Variants in PLCH1 observed in about 807,000 individuals in gnomAD.
PLCH1 encodes phospholipase C eta 1, also known as 1-phosphatidylinositol 4,5-bisphosphate phosphodiesterase eta-1.
In PLCH1, 60 loss-of-function variants were observed where a neutral mutation model predicts 126.7. That is an observed-to-expected ratio of 0.47 (90% confidence interval 0.38 to 0.59). PLCH1 has a LOEUF of 0.59. Ranked by LOEUF, PLCH1 falls within the 20% of genes least tolerant of loss-of-function variation. The pLI is 0.00. For missense variants in PLCH1, 1,723 were observed against 2,040.0 expected, an observed-to-expected ratio of 0.84 and a Z score of 2.99; for synonymous variants, 719 against 734.9, an observed-to-expected ratio of 0.98 and a Z score of 0.35.
chr3:155,587,486 A>C (rs1031527828), intron 4 of PLCH1, among the ~76,000 whole-genome samples: 11 of 151,952 alleles, frequency 7.2e-5, no homozygotes, highest in Non-Finnish European at 1.5e-4. Flanking sequence ...GATTTAGCAC[A>C]CTCTTCTACA....
intron 13 of PLCH1, among the ~76,000 whole-genome samples, chr3:155,503,353 C>T (rs931650146): frequency 2.0e-5 from 3 of 152,084 alleles, no homozygotes; most frequent in African/African-American, 7.2e-5. Context: ...GTTTATTTTG[C>T]TCAACATCAT....
At chr3:155,504,479 T>C (rs770825652) in intron 13 of PLCH1, 76 bp downstream of exon 13, 14 of 811,682 alleles carry the variant, frequency 1.7e-5, no homozygotes, top group Admixed American at 3.8e-5. Flanking sequence ...TCCAAGGTCA[T>C]GATGATATTC....
At chr3:155,640,372 A>T (rs1366135926) in intron 2 of PLCH1, among the ~76,000 whole-genome samples, 1 of 152,196 alleles carries the variant, frequency 6.6e-6, no homozygotes, top group Non-Finnish European at 1.5e-5. Context: ...TGGAAGAAAA[A>T]CTAAAATGAG....
At chr3:155,710,251 A>G (rs1747001240) in intron 1 of PLCH1, among the ~76,000 whole-genome samples, 1 of 152,048 alleles carries the variant, frequency 6.6e-6, no homozygotes, top group African/African-American at 2.4e-5. Context: ...CAGCCTCCCA[A>G]AGTTCTGGGA....
At chr3:155,574,528 T>C (rs975148180) in intron 6 of PLCH1, among the ~76,000 whole-genome samples, 2 of 152,218 alleles carry the variant, frequency 1.3e-5, no homozygotes, top group African/African-American at 2.4e-5. Flanking sequence ...TCTCCTGTTC[T>C]CTTTGTATCT....
chr3:155,501,452 A>G (rs1294302199), intron 13 of PLCH1, among the ~76,000 whole-genome samples: 2 of 152,154 alleles, frequency 1.3e-5, no homozygotes, highest in Non-Finnish European at 2.9e-5. Flanking sequence ...TTTCATCCCC[A>G]CCAATTTGGA....
At chr3:155,675,112 A>G (rs372624404) in intron 2 of PLCH1, among the ~76,000 whole-genome samples, 3 of 152,222 alleles carry the variant, frequency 2.0e-5, no homozygotes, top group South Asian at 2.1e-4. Context: ...TTTTGAATAA[A>G]AAGCAAACAT....
At position 155,702,125 on chromosome 3, in the gene PLCH1, GACAATACAGT is replaced by G. The variant is rs1746326133; in HGVS notation, c.79+2011_79+2020del. On this transcript the variant is annotated intron_variant, in intron 2 of 22. Transcript: ENST00000460012. ...TTGTGTTTAGTGAAAAGGGAGCTCA[GACAATACAGT>G]AATTGTAATTCTCAGAAATACTTCA... is the stretch of plus-strand genomic sequence containing the variant. 2.0e-5 allele frequency among the ~76,000 whole-genome samples: 3 copies of G among 152,268 alleles called. No homozygotes were observed. In the South Asian group the frequency reaches 6.2e-4, roughly 32 times the overall value.
chr3:155,603,665 T>A (rs1734024166), intron 2 of PLCH1, among the ~76,000 whole-genome samples: 1 of 152,252 alleles, frequency 6.6e-6, no homozygotes. Flanking sequence ...CTAGCTTCCA[T>A]AAATGTTATT....
chr3:155,547,716 AATG>A (rs914011666), intron 10 of PLCH1, among the ~76,000 whole-genome samples: 2 of 152,022 alleles, frequency 1.3e-5, no homozygotes, highest in African/African-American at 4.8e-5. Flanking sequence ...AGCCATAAAA[AATG>A]ATGAGTTCAT....
At position 155,482,991 on chromosome 3, in the gene PLCH1, T is replaced by A. The variant is rs1251366447; in HGVS notation, c.3035A>T (p.Asn1012Ile). Reference sequence around the variant, plus strand: ...GGAGGATGATAACTTTTTGTTGAAATTTAGAAAATGTGGATCTTTTATACT... The same window carrying A: ...GGAGGATGATAACTTTTTGTTGAAAATTAGAAAATGTGGATCTTTTATACT... The part of the protein sequence containing the change: ...KASIKDPHFL[N>I]FNKKLSSSSS... Residue 1012 changes from asparagine (N) to isoleucine (I), a missense_variant, in exon 23 of 23, where the codon AAT becomes ATT. Around this residue, in one of 2 missense-constraint regions of PLCH1, gnomAD observed 947 missense variants for 977.1 expected, o/e 0.97. Coordinates refer to ENST00000460012, the MANE Select transcript of PLCH1 (RefSeq NM_014996.4). The A allele has an allele frequency of 1.2e-6, 2 of 1,614,042 alleles. No individual in the cohort carries two copies. The highest frequency in any genetic ancestry group is 2.2e-5 in the South Asian group (2 of 91,080).
intron 2 of PLCH1, among the ~76,000 whole-genome samples, chr3:155,699,822 T>TCACACA (rs59082626): frequency 0.12 from 17,925 of 147,704 alleles, 1,132 homozygotes; most frequent in East Asian, 0.19. Flanking sequence ...CTGTGACCAT[T>TCACACA]CACACACACA....
intron 2 of PLCH1, among the ~76,000 whole-genome samples, chr3:155,654,608 C>T (rs1741141341): frequency 6.6e-6 from 1 of 152,192 alleles, no homozygotes; most frequent in African/African-American, 2.4e-5. Flanking sequence ...CTTTCACACT[C>T]CACATCTGAC....
At chr3:155,489,500 TCATAGACAATAATGTGCC>T (rs1347104634) in intron 19 of PLCH1, among the ~76,000 whole-genome samples, 1 of 152,168 alleles carries the variant, frequency 6.6e-6, no homozygotes, top group Non-Finnish European at 1.5e-5. Flanking sequence ...AAATTGATGT[TCATAGACAATAATGTGCC>T]CAAGGCCACA....
At chr3:155,671,302 A>AT (rs1211012300) in intron 2 of PLCH1, among the ~76,000 whole-genome samples, 1 of 152,050 alleles carries the variant, frequency 6.6e-6, no homozygotes, top group Non-Finnish European at 1.5e-5. Context: ...TAGGTACTCG[A>AT]TTTTTTTTCT....
intron 2 of PLCH1, among the ~76,000 whole-genome samples, chr3:155,600,325 A>G (rs1398387386): frequency 1.3e-5 from 2 of 152,218 alleles, no homozygotes; most frequent in Non-Finnish European, 2.9e-5. Flanking sequence ...TTCTGCCTCC[A>G]ACAGAAATGA....
intron 1 of PLCH1, among the ~76,000 whole-genome samples, chr3:155,728,643 A>G (rs925184389): frequency 6.6e-6 from 1 of 152,180 alleles, no homozygotes; most frequent in Admixed American, 6.5e-5. Context: ...GAGAAAGACA[A>G]CAAGACAGAG....
chr3:155,554,559 T>G (rs1726562886), intron 8 of PLCH1, among the ~76,000 whole-genome samples: 1 of 152,224 alleles, frequency 6.6e-6, no homozygotes, highest in African/African-American at 2.4e-5. Context: ...CTTCTTCTTC[T>G]TCTTCTTCAG....
chr3:155,472,255 G>A lies in PLCH1; in HGVS notation c.2938+13101C>T, dbSNP rs549666276. 6.3e-3 allele frequency among the ~76,000 whole-genome samples: 960 copies of A among 152,070 alleles called. 9 individuals carry two copies. Among genetic ancestry groups the A allele is most frequent in the African/African-American group, 0.021 (883 of 41,490 alleles). ...AAATGATAAAGGGGATATCACCACC[G>A]ATCCCACAGAAATACAAACTACCAT... On this transcript the variant is annotated intron_variant, in intron 21 of 21. Coordinates refer to the PLCH1 transcript ENST00000494598.
Sources: gnomAD v4.1 joint callset for allele counts (sites outside exome capture counted in the v4.1 genomes callset) on GRCh38, gnomAD v4.1.1 for gene constraint, gnomAD v4.1.1 regional missense constraint, MANE v1.5 for transcripts, NCBI Gene and HGNC (gene_info 2026-07-23, HGNC 2026-07-21) for gene names.